R3HDM1: variants seen among roughly 807,000 people sequenced by gnomAD.
The protein encoded by R3HDM1 is R3H domain-containing protein 1.
Under a neutral mutation model 141.1 loss-of-function variants are expected in R3HDM1, and 46 were observed. The observed-to-expected ratio is 0.33, with a 90% CI of 0.26 to 0.42. R3HDM1 has a LOEUF of 0.42. Ranked by LOEUF, R3HDM1 falls within the 10% of genes least tolerant of loss-of-function variation. R3HDM1 has a pLI of 1.00. For missense variants in R3HDM1, 1,184 were observed against 1,368.3 expected (o/e 0.87, Z 2.12); for synonymous variants, 435 against 472.9 (o/e 0.92, Z 1.04).
At chr2:135,623,959 G>C (rs1394293583) in intron 7 of R3HDM1, among the ~76,000 whole-genome samples, 1 of 152,198 alleles carries the variant, frequency 6.6e-6, no homozygotes, top group African/African-American at 2.4e-5. Flanking sequence ...CTTGAATTAA[G>C]AGTGTTTTAT....
intron 17 of R3HDM1, chr2:135,650,706 TG>T (rs930330533): frequency 1.8e-5 from 18 of 982,934 alleles, no homozygotes; most frequent in African/African-American, 5.2e-5. Context: ...AAGTGACAGT[TG>T]GGGAAGAGAA....
intron 1 of R3HDM1, among the ~76,000 whole-genome samples, chr2:135,598,426 C>T (rs936904984): frequency 6.6e-6 from 1 of 152,144 alleles, no homozygotes; most frequent in African/African-American, 2.4e-5. Context: ...TGTCTTAAGT[C>T]CAGTACAAAG....
chr2:135,668,361 C>A (rs2067835186), intron 19 of R3HDM1, among the ~76,000 whole-genome samples: 1 of 152,120 alleles, frequency 6.6e-6, no homozygotes, highest in African/African-American at 2.4e-5. Flanking sequence ...GAATATAATT[C>A]AAAATTATAT....
At chr2:135,621,159 G>C (rs2061480766) in intron 5 of R3HDM1, among the ~76,000 whole-genome samples, 1 of 151,886 alleles carries the variant, frequency 6.6e-6, no homozygotes, top group Non-Finnish European at 1.5e-5. Context: ...CATCTTCCTT[G>C]CAAAAATAAG....
chr2:135,702,237 A>AAT (rs1247275525), intron 21 of R3HDM1, among the ~76,000 whole-genome samples: 1 of 129,328 alleles, frequency 7.7e-6, no homozygotes, highest in Admixed American at 7.5e-5. Flanking sequence ...AAAAAAAAAA[A>AAT]AAAGGCTGGG....
chr2:135,610,924 C>G (rs1315145047), intron 3 of R3HDM1, among the ~76,000 whole-genome samples: 1 of 151,444 alleles, frequency 6.6e-6, no homozygotes, highest in Non-Finnish European at 1.5e-5. Context: ...GGACAACACA[C>G]GAAGACTTTG....
intron 21 of R3HDM1, among the ~76,000 whole-genome samples, chr2:135,688,319 C>T (rs1469615700): frequency 6.6e-6 from 1 of 152,050 alleles, no homozygotes; most frequent in Non-Finnish European, 1.5e-5. Flanking sequence ...TACAGTACAT[C>T]CAGAAAAAGA....
rs779584426 is a variant in R3HDM1 at position 135,621,562 on chromosome 2, A to G, written c.372A>G (p.Glu124=). 21 of 1,602,882 alleles carry G rather than the reference A, an allele frequency of 1.3e-5. No homozygotes were observed. The highest frequency in any genetic ancestry group is 1.7e-5 in the Non-Finnish European group (20 of 1,174,406). ...KEEKPSKDEA[E]KEKASDKLPR... ...AGAAGCCCTCAAAAGATGAAGCAGA[A>G]AAAGAAAAGGCCAGTGATAAGTTGC... is the stretch of plus-strand genomic sequence containing the variant. The change falls in exon 6 of 27, where the codon GAA becomes GAG. Residue 124 remains glutamate (E), a synonymous_variant. Transcript: ENST00000683871.
At chr2:135,612,898 CTTG>C (rs1306908946) in intron 3 of R3HDM1, among the ~76,000 whole-genome samples, 1 of 152,124 alleles carries the variant, frequency 6.6e-6, no homozygotes, top group Non-Finnish European at 1.5e-5. Flanking sequence ...TAATAAACAA[CTTG>C]TTTTCTCTGC....
At chr2:135,655,005 G>T (rs1333748051) in intron 18 of R3HDM1, among the ~76,000 whole-genome samples, 1 of 151,672 alleles carries the variant, frequency 6.6e-6, no homozygotes, top group Non-Finnish European at 1.5e-5. Flanking sequence ...CTGTAAAATT[G>T]TCTTTTTAGT....
At chr2:135,660,881 A>G (rs1232056929) in intron 18 of R3HDM1, among the ~76,000 whole-genome samples, 4 of 151,520 alleles carry the variant, frequency 2.6e-5, no homozygotes, top group Admixed American at 6.6e-5. Flanking sequence ...ATAAAATAAT[A>G]CATGTATGGA....
At chr2:135,559,026 T>G in intron 1 of R3HDM1, 2 of 983,856 alleles carry the variant, frequency 2.0e-6, no homozygotes, top group Non-Finnish European at 2.4e-6. Context: ...AAATACCTTA[T>G]CAGTGGTATT....
At chr2:135,553,150 A>C (rs1319434790) in intron 1 of R3HDM1, among the ~76,000 whole-genome samples, 1 of 152,176 alleles carries the variant, frequency 6.6e-6, no homozygotes, top group Admixed American at 6.5e-5. Context: ...GATTACAGGC[A>C]TGAGGCACCG....
chr2:135,694,901 G>C (rs1261656175), intron 21 of R3HDM1, among the ~76,000 whole-genome samples: 1 of 152,136 alleles, frequency 6.6e-6, no homozygotes, highest in Non-Finnish European at 1.5e-5. Flanking sequence ...ACTCACCCAA[G>C]GACAGTAATC....
rs567283878 is a variant in R3HDM1, at chr2:135,590,839, T to C, written c.-249-11661T>C. 2.3e-4 allele frequency: 143 copies of C among 614,118 alleles called. No individual in the cohort carries two copies. In the African/African-American group the frequency reaches 2.5e-3, roughly 11 times the overall value. 38.0% of individuals were successfully genotyped at this position (614,118 alleles called of 1,614,324 possible). A position where few individuals can be genotyped will look rare whatever the true frequency, so the allele number is the denominator to read the frequency against. The stretch of plus-strand genomic sequence containing the variant: ...GCACCTGTTCTGCCTCAAGCTGTTT[T>C]TAAGCTATTTTTACTGGCCACAAAA... On this transcript the variant is annotated intron_variant, in intron 1 of 26. Transcript: ENST00000683871.
chr2:135,624,044 A>G (rs1408876881), intron 7 of R3HDM1, among the ~76,000 whole-genome samples: 1 of 152,196 alleles, frequency 6.6e-6, no homozygotes, highest in African/African-American at 2.4e-5. Flanking sequence ...AGGCATAGTT[A>G]TGTGAGAGGA....
At chr2:135,605,791 TCTC>T (rs2059994977) in intron 3 of R3HDM1, 1 of 152,154 alleles carries the variant, frequency 6.6e-6, no homozygotes, top group Non-Finnish European at 1.5e-5. Context: ...TTCAAGCAAT[TCTC>T]CTGCCTCAGC....
intron 19 of R3HDM1, among the ~76,000 whole-genome samples, 190 bp from the exon 20 acceptor site, chr2:135,675,142 A>G (rs755466054): frequency 6.6e-6 from 1 of 152,132 alleles, no homozygotes; most frequent in Non-Finnish European, 1.5e-5. Context: ...ATTTTATTTC[A>G]ATATATTTTA....
At chr2:135,585,436 C>T (rs1485122866) in intron 1 of R3HDM1, among the ~76,000 whole-genome samples, 2 of 152,130 alleles carry the variant, frequency 1.3e-5, no homozygotes, top group East Asian at 1.9e-4. Context: ...GTGCAGGTAA[C>T]GTATGAGCAT....
Sources: allele counts gnomAD v4.1 joint callset (sites outside exome capture counted in the v4.1 genomes callset), GRCh38; gene constraint gnomAD v4.1.1; transcripts MANE v1.5; gene names NCBI Gene and HGNC (gene_info 2026-07-23, HGNC 2026-07-21).